Variants in BICD1 observed in about 807,000 individuals in gnomAD.
BICD1 encodes protein bicaudal D homolog 1.
In BICD1, 35 loss-of-function variants were observed where a neutral mutation model predicts 92.5. That is an observed-to-expected ratio of 0.38 (90% CI 0.29 to 0.50). The LOEUF (loss-of-function observed/expected upper bound fraction) is 0.50. Ranked by LOEUF, BICD1 falls within the 20% of genes least tolerant of loss-of-function variation. The probability of loss-of-function intolerance (pLI) is 0.93; values close to 1 mark genes in which losing one functional copy is unlikely to be tolerated. For synonymous variants in BICD1, 429 were observed against 465.1 expected (o/e 0.92, Z 1.00); for missense variants, 950 against 1,189.8 (o/e 0.80, Z 2.97).
At chr12:32,369,483 G>A (rs1334076724) in intron 9 of BICD1, among the ~76,000 whole-genome samples, 1 of 152,278 alleles carries the variant, frequency 6.6e-6, no homozygotes, top group Non-Finnish European at 1.5e-5. Flanking sequence ...AGAGCCAGGG[G>A]ACCTGGGGTG....
At chr12:32,140,381 G>A (rs758556470) in intron 1 of BICD1, among the ~76,000 whole-genome samples, 1 of 152,190 alleles carries the variant, frequency 6.6e-6, no homozygotes, top group Non-Finnish European at 1.5e-5. Context: ...TCTGGCAAAG[G>A]TGGATTTTTT....
At chr12:32,350,465 T>C (rs550400820) in intron 8 of BICD1, among the ~76,000 whole-genome samples, 158 of 152,188 alleles carry the variant, frequency 1.0e-3, no homozygotes, top group African/African-American at 3.8e-3. Context: ...TGACAGTGCC[T>C]ACATAAATAA....
At chr12:32,358,513 C>T (rs1168128414) in intron 8 of BICD1, among the ~76,000 whole-genome samples, 17 of 151,762 alleles carry the variant, frequency 1.1e-4, no homozygotes, top group Non-Finnish European at 1.0e-4. Flanking sequence ...CTGAGGCAGG[C>T]GGATCACGAG....
intron 4 of BICD1, among the ~76,000 whole-genome samples, chr12:32,311,487 ACT>A (rs1334816027): frequency 6.6e-6 from 1 of 152,018 alleles, no homozygotes; most frequent in Admixed American, 6.6e-5. Context: ...ACAGATCAAG[ACT>A]CTGTCTCAAA....
rs1001683381 is a variant in BICD1, at chr12:32,356,783, T to C, written c.2765-10887T>C. On this transcript the variant is annotated intron_variant, in intron 8 of 9. Transcript: ENST00000652176. ...TAACTGATTATGGAGAGCACCTTTG[T>C]GCTATTATCAGAATTCCTGGGTGTG... is the stretch of plus-strand genomic sequence containing the variant. Among the ~76,000 whole-genome samples, 7 of 152,340 alleles carry C rather than the reference T, an allele frequency of 4.6e-5. 1 individual carries two copies. In the East Asian group the frequency reaches 7.7e-4, roughly 17 times the overall value.
chr12:32,246,853 A>G (rs942964870), intron 2 of BICD1, among the ~76,000 whole-genome samples: 30 of 152,144 alleles, frequency 2.0e-4, no homozygotes, highest in Admixed American at 4.6e-4. Flanking sequence ...GGACATAAAC[A>G]TAGTACTGTG....
intron 1 of BICD1, among the ~76,000 whole-genome samples, chr12:32,155,748 A>T (rs1249410341): frequency 1.3e-5 from 2 of 152,374 alleles, no homozygotes; most frequent in East Asian, 3.9e-4. Flanking sequence ...AATTGGGAGC[A>T]ACATTTGTTA....
At chr12:32,349,922 G>A (rs576396765) in intron 8 of BICD1, among the ~76,000 whole-genome samples, 1 of 152,254 alleles carries the variant, frequency 6.6e-6, no homozygotes, top group South Asian at 2.1e-4. Flanking sequence ...ATATCTAAAA[G>A]TATATTGTTA....
chr12:32,248,092 C>CA lies in BICD1; in HGVS notation c.426+31636dup, dbSNP rs199608898. 3.0e-3 allele frequency among the ~76,000 whole-genome samples: 454 copies of CA among 150,170 alleles called. 1 individual carries two copies. The highest frequency in any genetic ancestry group is 9.8e-3 in the African/African-American group (395 of 40,218). ...AGCGAGACTCCATCAAACAAACAAA[C>CA]AAACAAAAAAAACAAAAACCCAAGA... On this transcript the variant is annotated intron_variant, in intron 2 of 9. Transcript: ENST00000652176.
At chr12:32,196,119 C>G (rs1944718770) in intron 1 of BICD1, among the ~76,000 whole-genome samples, 1 of 152,114 alleles carries the variant, frequency 6.6e-6, no homozygotes, top group African/African-American at 2.4e-5. Flanking sequence ...GTTATAATGA[C>G]TTTATCAAAA....
chr12:32,116,502 C>CTATA (rs1433983078), intron 1 of BICD1, among the ~76,000 whole-genome samples: 37 of 77,554 alleles, frequency 4.8e-4, no homozygotes, highest in Middle Eastern at 5.8e-3. Flanking sequence ...TTCTCTCTCT[C>CTATA]TCTCTCTCTA....
intron 2 of BICD1, among the ~76,000 whole-genome samples, chr12:32,245,518 G>GA (rs1218193322): frequency 1.3e-5 from 2 of 152,312 alleles, no homozygotes; most frequent in Admixed American, 1.3e-4. Context: ...AGGAACAAAG[G>GA]AGGCCATATA....
At chr12:32,150,205 G>T (rs1592378681) in intron 1 of BICD1, among the ~76,000 whole-genome samples, 1 of 152,304 alleles carries the variant, frequency 6.6e-6, no homozygotes, top group Middle Eastern at 3.4e-3. Context: ...TACAATTCAA[G>T]ATGAGATTTG....
At chr12:32,335,430 G>A (rs995512017) in intron 6 of BICD1, among the ~76,000 whole-genome samples, 2 of 151,576 alleles carry the variant, frequency 1.3e-5, no homozygotes, top group Non-Finnish European at 2.9e-5. Context: ...GATTACAGGC[G>A]TGAGCCACCG....
intron 3 of BICD1, among the ~76,000 whole-genome samples, chr12:32,299,917 T>C (rs1223123825): frequency 6.6e-6 from 1 of 152,164 alleles, no homozygotes; most frequent in Non-Finnish European, 1.5e-5. Flanking sequence ...TAGCAAACTT[T>C]TTCTGTGAAG....
intron 1 of BICD1, among the ~76,000 whole-genome samples, chr12:32,160,134 G>C (rs955040863): frequency 6.6e-6 from 1 of 152,114 alleles, no homozygotes; most frequent in African/African-American, 2.4e-5. Context: ...TTAGTATTCA[G>C]CAAATGGTAG....
At chr12:32,109,035 G>A (rs571243209) in intron 1 of BICD1, 1 of 176,850 alleles carries the variant, frequency 5.7e-6, no homozygotes, top group African/African-American at 2.3e-5. Context: ...GCCAAGATAG[G>A]GAAGTGCAAA....
chr12:32,335,590 T>G (rs570014261), intron 6 of BICD1, among the ~76,000 whole-genome samples: 80 of 151,122 alleles, frequency 5.3e-4, no homozygotes, highest in African/African-American at 1.9e-3. Flanking sequence ...CTTTTTTTTT[T>G]TTTTTTTTGA....
rs898468626 is a variant in BICD1 at position 32,344,933 on chromosome 12, T to G, written c.2764+5954T>G. On this transcript the variant is annotated intron_variant, in intron 8 of 9. Coordinates refer to ENST00000652176, the MANE Select transcript of BICD1 (RefSeq NM_001714.4). Reference sequence around the variant, plus strand: ...ACATAGTTTCCACAGAATTCTTCCCTGTAGGGGAAGGCCTGGGCACTTCTT... The same window carrying G: ...ACATAGTTTCCACAGAATTCTTCCCGGTAGGGGAAGGCCTGGGCACTTCTT... Among the ~76,000 whole-genome samples the G allele has an allele frequency of 9.9e-5, 15 of 152,128 alleles. No individual in the cohort carries two copies. In the East Asian group the frequency reaches 2.7e-3, roughly 27 times the overall value.
Sources: gnomAD v4.1 joint callset for allele counts (sites outside exome capture counted in the v4.1 genomes callset) on GRCh38, gnomAD v4.1.1 for gene constraint, MANE v1.5 for transcripts, NCBI Gene and HGNC (gene_info 2026-07-23, HGNC 2026-07-21) for gene names.